SORCS3: variants seen among roughly 807,000 people sequenced by gnomAD.
SORCS3 encodes sortilin related VPS10 domain containing receptor 3.
In SORCS3, 57 loss-of-function variants were observed where a neutral mutation model predicts 146.3. That is an observed-to-expected ratio of 0.39 (90% CI 0.31 to 0.49). SORCS3 has a LOEUF of 0.49. Ranked by LOEUF, SORCS3 falls within the 20% of genes least tolerant of loss-of-function variation. SORCS3 has a pLI of 0.92. For synonymous variants in SORCS3, 653 were observed against 618.5 expected (o/e 1.06, Z -0.83); for missense variants, 1,341 against 1,575.5 (o/e 0.85, Z 2.52).
At chr10:104,699,271 C>G (rs1486927113) in intron 1 of SORCS3, among the ~76,000 whole-genome samples, 7 of 152,176 alleles carry the variant, frequency 4.6e-5, no homozygotes, top group Non-Finnish European at 8.8e-5. Context: ...TCATTATCCA[C>G]ATGTGACATG....
At chr10:105,097,579 TC>T (rs1390116945) in intron 6 of SORCS3, among the ~76,000 whole-genome samples, 1 of 152,252 alleles carries the variant, frequency 6.6e-6, no homozygotes, top group African/African-American at 2.4e-5. Context: ...TGGACAAATT[TC>T]TTAGCCTTCC....
intron 3 of SORCS3, among the ~76,000 whole-genome samples, chr10:104,927,703 A>G (rs1013149516): frequency 6.8e-6 from 1 of 146,026 alleles, no homozygotes; most frequent in Non-Finnish European, 1.5e-5. Context: ...ACATGGTGAA[A>G]CCAAGTCTCT....
At chr10:104,800,928 C>T (rs1369838575) in intron 1 of SORCS3, among the ~76,000 whole-genome samples, 1 of 152,190 alleles carries the variant, frequency 6.6e-6, no homozygotes, top group Non-Finnish European at 1.5e-5. Flanking sequence ...CTCTTTATAT[C>T]ACTGGTTTTA....
chr10:104,970,648 T>C (rs2054855751), intron 3 of SORCS3, among the ~76,000 whole-genome samples: 1 of 152,172 alleles, frequency 6.6e-6, no homozygotes, highest in Non-Finnish European at 1.5e-5. Flanking sequence ...AAAAAAGTCA[T>C]TATACTGCTC....
intron 1 of SORCS3, among the ~76,000 whole-genome samples, chr10:104,647,934 G>A (rs1487515963): frequency 6.6e-6 from 1 of 152,210 alleles, no homozygotes; most frequent in Admixed American, 6.5e-5. Flanking sequence ...AGTGTTTCCT[G>A]TGTATGTGGC....
At chr10:104,847,236 T>A (rs763882245) in intron 2 of SORCS3, among the ~76,000 whole-genome samples, 1 of 152,222 alleles carries the variant, frequency 6.6e-6, no homozygotes, top group South Asian at 2.1e-4. Flanking sequence ...AAGTGGAAAC[T>A]CTGATAGTGC....
intron 11 of SORCS3, among the ~76,000 whole-genome samples, chr10:105,162,142 A>G (rs2056270258): frequency 6.6e-6 from 1 of 152,114 alleles, no homozygotes; most frequent in Admixed American, 6.5e-5. Flanking sequence ...GAGGACTTCA[A>G]TATTCTCTCC....
chr10:104,842,679 C>A, intron 1 of SORCS3, 113 bp from the exon 2 acceptor site: 2 of 770,652 alleles, frequency 2.6e-6, no homozygotes, highest in Non-Finnish European at 2.2e-6. Context: ...AAATACTAAG[C>A]CCTCCTCTGG....
At chr10:104,906,856 C>A (rs2133593870) in intron 2 of SORCS3, among the ~76,000 whole-genome samples, 1 of 152,296 alleles carries the variant, frequency 6.6e-6, no homozygotes, top group Admixed American at 6.5e-5. Flanking sequence ...GAAAACATCT[C>A]AACATTACAA....
At chr10:105,214,690 T>G in intron 18 of SORCS3, 77 bp downstream of exon 18, 11 of 1,325,192 alleles carry the variant, frequency 8.3e-6, no homozygotes, top group Non-Finnish European at 1.1e-5. Flanking sequence ...AGATCTTACA[T>G]TCCCACAGAC....
intron 2 of SORCS3, among the ~76,000 whole-genome samples, chr10:104,876,302 G>A (rs2018570665): frequency 2.6e-5 from 4 of 152,180 alleles, no homozygotes; most frequent in Non-Finnish European, 5.9e-5. Context: ...CTGGCTGATG[G>A]AGGATGGTAC....
chr10:104,889,298 T>A (rs1473383894), intron 2 of SORCS3, among the ~76,000 whole-genome samples: 35 of 143,408 alleles, frequency 2.4e-4, no homozygotes, highest in Admixed American at 1.7e-3. Flanking sequence ...TTTTTTTTTT[T>A]AAATCCGATC....
chr10:105,254,094 A>T (rs2056916763), intron 23 of SORCS3, among the ~76,000 whole-genome samples: 1 of 152,206 alleles, frequency 6.6e-6, no homozygotes, highest in Non-Finnish European at 1.5e-5. Flanking sequence ...AATCGATGTT[A>T]TGTGTTCTGC....
chr10:105,028,704 G>C (rs558412380), intron 4 of SORCS3, among the ~76,000 whole-genome samples: 9 of 152,118 alleles, frequency 5.9e-5, no homozygotes, highest in Non-Finnish European at 1.3e-4. Context: ...GTGGTCGTGG[G>C]GATTAACTGG....
At chr10:104,692,700 A>G (rs1360349336) in intron 1 of SORCS3, among the ~76,000 whole-genome samples, 1 of 152,224 alleles carries the variant, frequency 6.6e-6, no homozygotes, top group Non-Finnish European at 1.5e-5. Context: ...TTGACCATTG[A>G]GTAAATATTT....
chr10:105,189,742 T>TG (rs2056504588), intron 14 of SORCS3, among the ~76,000 whole-genome samples: 2 of 152,132 alleles, frequency 1.3e-5, no homozygotes, highest in South Asian at 4.1e-4. Flanking sequence ...GAGCAGGCCT[T>TG]AGTTTCCCCA....
chr10:105,195,213 C>A (rs1318623201), intron 14 of SORCS3, among the ~76,000 whole-genome samples: 1 of 152,118 alleles, frequency 6.6e-6, no homozygotes, highest in East Asian at 1.9e-4. Flanking sequence ...GTGTGCTGTA[C>A]CTATTTTGCT....
intron 4 of SORCS3, among the ~76,000 whole-genome samples, chr10:104,981,480 A>G (rs2054931200): frequency 6.6e-6 from 1 of 152,164 alleles, no homozygotes; most frequent in Admixed American, 6.6e-5. Context: ...AAGTGGTAGG[A>G]TTCTCTTTTG....
At chr10:105,160,719 A>T (rs1246292452) in intron 11 of SORCS3, among the ~76,000 whole-genome samples, 2 of 152,248 alleles carry the variant, frequency 1.3e-5, no homozygotes, top group African/African-American at 4.8e-5. Context: ...TTAATGTTAT[A>T]GAAGTTAAAA....
Sources: gnomAD v4.1 joint callset for allele counts (sites outside exome capture counted in the v4.1 genomes callset) on GRCh38, gnomAD v4.1.1 for gene constraint, MANE v1.5 for transcripts, NCBI Gene and HGNC (gene_info 2026-07-23, HGNC 2026-07-21) for gene names.